The following NLK variants were observed in gnomAD, a reference collection of about 807,000 sequenced individuals.
NLK encodes serine/threonine-protein kinase NLK.
Under a neutral mutation model 59.0 loss-of-function variants are expected in NLK, and 11 were observed. The observed-to-expected ratio is 0.19, with a 90% CI of 0.12 to 0.31. The LOEUF (loss-of-function observed/expected upper bound fraction) is 0.31, where lower values mean the gene tolerates loss of function less well. NLK is among the 10% of genes least tolerant of loss of function. The pLI is 1.00. For missense variants in NLK, 410 were observed against 661.1 expected (o/e 0.62, Z 4.16); for synonymous variants, 235 against 235.9 (o/e 1.00, Z 0.03).
chr17:28,150,175 G>A (rs999639657), intron 3 of NLK, among the ~76,000 whole-genome samples: 1 of 152,148 alleles, frequency 6.6e-6, no homozygotes, highest in African/African-American at 2.4e-5. Flanking sequence ...TATAAAGTAG[G>A]TGTTATGAGG....
At chr17:28,054,662 G>T (rs1189239244) in intron 1 of NLK, among the ~76,000 whole-genome samples, 1 of 152,144 alleles carries the variant, frequency 6.6e-6, no homozygotes, top group South Asian at 2.1e-4. Context: ...AGTAAAAGTT[G>T]GGCCAGTCTT....
chr17:28,101,476 G>A (rs2142790956), intron 1 of NLK, among the ~76,000 whole-genome samples: 1 of 152,288 alleles, frequency 6.6e-6, no homozygotes, highest in African/African-American at 2.4e-5. Context: ...GTATTTCTCA[G>A]TGTACAAGTC....
At chr17:28,075,984 T>C (rs1327908282) in intron 1 of NLK, among the ~76,000 whole-genome samples, 1 of 152,150 alleles carries the variant, frequency 6.6e-6, no homozygotes, top group African/African-American at 2.4e-5. Context: ...ATTGAAATGG[T>C]GAAGTGAAAA....
At chr17:28,128,565 T>A (rs1189742783) in intron 2 of NLK, among the ~76,000 whole-genome samples, 1 of 152,172 alleles carries the variant, frequency 6.6e-6, no homozygotes, top group African/African-American at 2.4e-5. Flanking sequence ...GTGTTCAAAG[T>A]CATTATTCAT....
At chr17:28,108,206 A>G (rs112641937) in intron 1 of NLK, among the ~76,000 whole-genome samples, 75 of 152,334 alleles carry the variant, frequency 4.9e-4, no homozygotes, top group Non-Finnish European at 9.4e-4. Flanking sequence ...CCTGGGCAGC[A>G]GAGGGATACT....
At chr17:28,199,043 A>G (rs997487320), downstream of NLK, among the ~76,000 whole-genome samples, 1 of 152,212 alleles carries the variant, frequency 6.6e-6, no homozygotes, top group Admixed American at 6.5e-5. Flanking sequence ...TCCCAATAGA[A>G]AGTAAATCGG....
rs1354883568 is a variant in NLK, at chr17:28,172,632, G to A, written c.1149+14G>A. On this transcript the variant is annotated intron_variant, in intron 7 of 10. Coordinates refer to ENST00000407008, the MANE Select transcript of NLK (RefSeq NM_016231.5). ...CCTCATAAACAGGTGAGAGGAGGGG[G>A]GAATCTTTTTCTGGTAACCATCTGT... The A allele has an allele frequency of 1.4e-6, 2 of 1,443,970 alleles. No homozygotes were observed. Among genetic ancestry groups the A allele is most frequent in the Non-Finnish European group, 1.9e-6 (2 of 1,073,280 alleles). The allele number at this position is 1,443,970 out of a possible 1,614,324, so 89.4% of individuals were successfully genotyped here.
At chr17:28,191,383 A>G (rs914802807) in intron 9 of NLK, among the ~76,000 whole-genome samples, 164 bp downstream of exon 9, 23 of 152,220 alleles carry the variant, frequency 1.5e-4, no homozygotes, top group African/African-American at 5.5e-4. Flanking sequence ...AGCATATTTA[A>G]TATTATATCC....
At chr17:28,161,328 AT>A in intron 4 of NLK, 62 bp downstream of exon 4, 1 of 902,936 alleles carries the variant, frequency 1.1e-6, no homozygotes, top group Non-Finnish European at 1.8e-6. Flanking sequence ...TTTGCTTCTC[AT>A]TTAGACTTTA....
chr17:28,100,381 A>C (rs930010919), intron 1 of NLK, among the ~76,000 whole-genome samples: 2 of 152,236 alleles, frequency 1.3e-5, no homozygotes, highest in African/African-American at 4.8e-5. Flanking sequence ...TTATTGGAAT[A>C]GAGAAACTTG....
intron 1 of NLK, among the ~76,000 whole-genome samples, chr17:28,058,484 C>G (rs982474243): frequency 1.2e-4 from 19 of 152,102 alleles, no homozygotes; most frequent in Non-Finnish European, 4.4e-5. Context: ...TGTTCTCTAC[C>G]CACCGATCCA....
intron 1 of NLK, among the ~76,000 whole-genome samples, chr17:28,078,901 A>C (rs1452410724): frequency 1.3e-5 from 2 of 152,198 alleles, no homozygotes; most frequent in African/African-American, 4.8e-5. Flanking sequence ...TATTGTTAAA[A>C]TAAAATTGAC....
intron 1 of NLK, chr17:28,048,413 C>G: frequency 6.6e-6 from 1 of 152,292 alleles, no homozygotes; most frequent in East Asian, 1.9e-4. Context: ...TAAGGCATTT[C>G]AGAAACATTG....
At chr17:28,093,309 ATACT>A (rs1194719618) in intron 1 of NLK, among the ~76,000 whole-genome samples, 1 of 152,218 alleles carries the variant, frequency 6.6e-6, no homozygotes, top group Admixed American at 6.5e-5. Context: ...AAGTATATAC[ATACT>A]TAATGAAACC....
intron 1 of NLK, among the ~76,000 whole-genome samples, chr17:28,059,490 T>A (rs1371119578): frequency 2.0e-5 from 3 of 152,184 alleles, no homozygotes; most frequent in Non-Finnish European, 4.4e-5. Context: ...GTGATCTATG[T>A]TAGAAAAATA....
intron 1 of NLK, among the ~76,000 whole-genome samples, chr17:28,099,514 C>T (rs1904824972): frequency 6.8e-6 from 1 of 147,862 alleles, no homozygotes; most frequent in South Asian, 2.2e-4. Flanking sequence ...ATTTTGTAGA[C>T]ATTTATATTT....
chr17:28,150,201 A>T (rs896232788), intron 3 of NLK, among the ~76,000 whole-genome samples: 2 of 152,340 alleles, frequency 1.3e-5, no homozygotes, highest in East Asian at 3.8e-4. Flanking sequence ...ATGAGATCAT[A>T]TATGAAGTGG....
chr17:28,099,568 C>CTTTTT lies in NLK; in HGVS notation c.459-23018_459-23014dup, dbSNP rs945214545. 7.6e-4 allele frequency among the ~76,000 whole-genome samples: 93 copies of CTTTTT among 122,932 alleles called. 1 individual carries two copies. Among genetic ancestry groups the CTTTTT allele is most frequent in the African/African-American group, 2.8e-3 (85 of 30,056 alleles). 80.6% of individuals were successfully genotyped at this position (122,932 alleles called of 152,430 possible). On this transcript the variant is annotated intron_variant, in intron 1 of 10. Transcript: ENST00000407008. ...ATTGTAAATAGTCTTTTGTGTTTGA[C>CTTTTT]TTTTTTTTTTTTTTTTTTTTTGAGA...
At chr17:28,085,556 G>A (rs551129500) in intron 1 of NLK, among the ~76,000 whole-genome samples, 115 of 152,038 alleles carry the variant, frequency 7.6e-4, no homozygotes, top group African/African-American at 2.5e-3. Flanking sequence ...CCTGGCCAAC[G>A]TGGTGAAACC....
Sources: allele counts gnomAD v4.1 joint callset (sites outside exome capture counted in the v4.1 genomes callset), GRCh38; gene constraint gnomAD v4.1.1; transcripts MANE v1.5; gene names NCBI Gene and HGNC (gene_info 2026-07-23, HGNC 2026-07-21).